Variants in CNTN4 observed in about 807,000 individuals in gnomAD.
CNTN4 encodes contactin 4.
In CNTN4, 77 loss-of-function variants were observed where a neutral mutation model predicts 122.5. The observed-to-expected ratio is 0.63, with a 90% CI of 0.52 to 0.76. The LOEUF is 0.76. CNTN4 is among the 30% of genes least tolerant of loss of function. CNTN4 has a pLI of 0.00. For missense variants in CNTN4, 1,256 were observed against 1,259.1 expected, an observed-to-expected ratio of 1.00 and a Z score of 0.04; for synonymous variants, 512 against 447.0, an observed-to-expected ratio of 1.15 and a Z score of -1.83.
In CNTN4 at chr3:2,210,594, T is replaced by C. The variant is rs1026661017; in HGVS notation, c.-145+109955T>C. Among the ~76,000 whole-genome samples, 3 of 152,324 alleles carry C rather than the reference T, an allele frequency of 2.0e-5. No homozygotes were observed. In the East Asian group the frequency reaches 5.8e-4, roughly 29 times the overall value. On this transcript the variant is annotated intron_variant, in intron 2 of 24. Transcript: ENST00000418658. The stretch of plus-strand genomic sequence containing the variant: ...GCATGTAAAAATCCATGTCTTAGCC[T>C]TGGGTTCCTAAAAAACAGAGGCTAA...
chr3:2,894,513 C>T (rs2094084285), intron 10 of CNTN4, among the ~76,000 whole-genome samples: 1 of 152,012 alleles, frequency 6.6e-6, no homozygotes, highest in Admixed American at 6.6e-5. Flanking sequence ...TCTACTTAAC[C>T]TGAATATTAT....
chr3:2,116,010 G>A lies in CNTN4; in HGVS notation c.-145+15371G>A, dbSNP rs2729008. On this transcript the variant is annotated intron_variant, in intron 2 of 24. Coordinates refer to ENST00000418658, the MANE Select transcript of CNTN4 (RefSeq NM_175607.3). ...ATGCAGTGAGACTTAAATCTTTCTC[G>A]AAGGTGCTTTATAGTAACCTGCATG... Among the ~76,000 whole-genome samples the A allele has an allele frequency of 5.5e-3, 836 of 152,206 alleles. 6 individuals carry two copies. Among genetic ancestry groups the A allele is most frequent in the African/African-American group, 0.018 (765 of 41,504 alleles).
At chr3:2,710,002 T>C (rs931886909) in intron 4 of CNTN4, among the ~76,000 whole-genome samples, 9 of 152,232 alleles carry the variant, frequency 5.9e-5, no homozygotes, top group Non-Finnish European at 1.0e-4. Flanking sequence ...TTTTAAATTG[T>C]CGCTCTATAG....
chr3:2,947,567 T>C (rs2094692604), intron 13 of CNTN4, among the ~76,000 whole-genome samples: 1 of 152,258 alleles, frequency 6.6e-6, no homozygotes, highest in Non-Finnish European at 1.5e-5. Flanking sequence ...TAGTGGAAAC[T>C]CTGTGTTTTC....
intron 2 of CNTN4, among the ~76,000 whole-genome samples, chr3:2,128,720 T>C (rs2034302655): frequency 6.6e-6 from 1 of 152,202 alleles, no homozygotes; most frequent in African/African-American, 2.4e-5. Context: ...GGTGTCTTCA[T>C]TTACATGAAA....
chr3:2,432,132 T>G (rs1380876377), intron 3 of CNTN4, among the ~76,000 whole-genome samples: 5 of 152,124 alleles, frequency 3.3e-5, no homozygotes, highest in Admixed American at 3.3e-4. Context: ...TACGTAGAAG[T>G]GGCCCAAGTG....
chr3:2,516,346 C>T (rs1275423743), intron 3 of CNTN4, among the ~76,000 whole-genome samples: 1 of 151,920 alleles, frequency 6.6e-6, no homozygotes, highest in Non-Finnish European at 1.5e-5. Flanking sequence ...TGATTTTGTA[C>T]TTAGGAACTA....
At chr3:2,257,004 A>T (rs1423350989) in intron 2 of CNTN4, among the ~76,000 whole-genome samples, 1 of 152,202 alleles carries the variant, frequency 6.6e-6, no homozygotes, top group Non-Finnish European at 1.5e-5. Context: ...AAAAAGAACA[A>T]GGCTGGAGGC....
chr3:2,577,774 G>T (rs1269945652), intron 4 of CNTN4, among the ~76,000 whole-genome samples: 1 of 152,216 alleles, frequency 6.6e-6, no homozygotes, highest in Non-Finnish European at 1.5e-5. Context: ...ATGTTTACGT[G>T]CAGCAAGAGG....
intron 3 of CNTN4, among the ~76,000 whole-genome samples, chr3:2,527,577 G>A (rs62233859): frequency 0.32 from 47,648 of 146,820 alleles, 7,633 homozygotes; most frequent in Admixed American, 0.35. Flanking sequence ...CTTTGCATGC[G>A]GTGTAAAAGG....
intron 4 of CNTN4, among the ~76,000 whole-genome samples, chr3:2,672,641 T>C (rs1376168464): frequency 6.6e-6 from 1 of 152,222 alleles, no homozygotes; most frequent in African/African-American, 2.4e-5. Flanking sequence ...CAGTGAGATG[T>C]ACCTGGTACC....
intron 3 of CNTN4, among the ~76,000 whole-genome samples, chr3:2,550,648 C>A (rs1441102193): frequency 1.3e-5 from 2 of 152,302 alleles, no homozygotes; most frequent in East Asian, 1.9e-4. Flanking sequence ...GACACATCCA[C>A]ATGTATGCTT....
At chr3:2,552,460 G>A (rs1370630107) in intron 3 of CNTN4, among the ~76,000 whole-genome samples, 1 of 152,130 alleles carries the variant, frequency 6.6e-6, no homozygotes, top group Non-Finnish European at 1.5e-5. Flanking sequence ...CAAGACAAAT[G>A]CTCATCATGT....
At position 2,902,858 on chromosome 3, in the gene CNTN4, T is replaced by A; in HGVS notation, c.1078-18T>A. On this transcript the variant is annotated intron_variant, in intron 11 of 24. Coordinates refer to ENST00000418658, the MANE Select transcript of CNTN4 (RefSeq NM_175607.3). Reference sequence around the variant, plus strand: ...TTGTAGAAGGTCATTGTTTTTATGTTCCTCTTTTCTTTCACAGGATAGAAT... The same window carrying A: ...TTGTAGAAGGTCATTGTTTTTATGTACCTCTTTTCTTTCACAGGATAGAAT... 6.2e-7 allele frequency: 1 copy of A among 1,610,066 alleles called. No individual in the cohort carries two copies. Among genetic ancestry groups the A allele is most frequent in the Non-Finnish European group, 8.5e-7 (1 of 1,177,552 alleles).
chr3:2,380,730 T>C (rs2045987624), intron 3 of CNTN4, among the ~76,000 whole-genome samples: 1 of 152,032 alleles, frequency 6.6e-6, no homozygotes, highest in Non-Finnish European at 1.5e-5. Flanking sequence ...CTTATCCTAT[T>C]TTACATAAGA....
At chr3:2,828,958 C>CA (rs1559551424) in intron 7 of CNTN4, among the ~76,000 whole-genome samples, 3 of 152,080 alleles carry the variant, frequency 2.0e-5, no homozygotes, top group Non-Finnish European at 4.4e-5. Context: ...AAGTTGGTCT[C>CA]AAACTCCTGG....
At chr3:2,543,678 G>C (rs975621372) in intron 3 of CNTN4, among the ~76,000 whole-genome samples, 21 of 152,130 alleles carry the variant, frequency 1.4e-4, no homozygotes, top group East Asian at 7.7e-4. Flanking sequence ...GCATTTAGAC[G>C]TTGCAGAGAG....
intron 2 of CNTN4, among the ~76,000 whole-genome samples, chr3:2,125,328 C>CTGTGTGTGTGTG (rs1350582197): frequency 2.7e-4 from 19 of 69,934 alleles, no homozygotes; most frequent in African/African-American, 8.0e-4. Flanking sequence ...ACATTCTATT[C>CTGTGTGTGTGTG]TCTGTGTGTG....
chr3:2,100,896 T>A (rs1395218145), intron 2 of CNTN4, among the ~76,000 whole-genome samples: 1 of 152,172 alleles, frequency 6.6e-6, no homozygotes, highest in Non-Finnish European at 1.5e-5. Flanking sequence ...CTGGCAAGGA[T>A]GGAAAAACTG....
Sources: gnomAD v4.1 joint callset for allele counts (sites outside exome capture counted in the v4.1 genomes callset) on GRCh38, gnomAD v4.1.1 for gene constraint, MANE v1.5 for transcripts, NCBI Gene and HGNC (gene_info 2026-07-23, HGNC 2026-07-21) for gene names.